Variants in KLHL24 observed in about 807,000 individuals in gnomAD.
The protein encoded by KLHL24 is kelch-like protein 24.
KLHL24 carries 29 observed loss-of-function variants against 53.4 expected under a neutral mutation model. The ratio of observed to expected loss-of-function variants is 0.54; its 90% CI spans 0.40 to 0.74. KLHL24 has a LOEUF of 0.74. Ranked by LOEUF, KLHL24 falls within the 30% of genes least tolerant of loss-of-function variation. The pLI, the probability that KLHL24 is intolerant of heterozygous loss-of-function variation, is 0.00. For synonymous variants in KLHL24, 222 were observed against 253.7 expected (o/e 0.88, Z 1.19); for missense variants, 504 against 744.0 (o/e 0.68, Z 3.75).
At chr3:183,647,058 G>C (rs1226442017) in intron 2 of KLHL24, among the ~76,000 whole-genome samples, 1 of 144,930 alleles carries the variant, frequency 6.9e-6, no homozygotes, top group Non-Finnish European at 1.5e-5. Flanking sequence ...TGATCCACCC[G>C]CCTCGGTCTT....
At chr3:183,656,120 C>T (rs1251836614) in intron 3 of KLHL24, among the ~76,000 whole-genome samples, 1 of 134,318 alleles carries the variant, frequency 7.4e-6, no homozygotes, top group Admixed American at 8.3e-5. Flanking sequence ...CATCATGGCT[C>T]ACTGAGCCTA....
At chr3:183,639,117 C>G (rs551326901) in intron 1 of KLHL24, among the ~76,000 whole-genome samples, 1 of 152,168 alleles carries the variant, frequency 6.6e-6, no homozygotes, top group African/African-American at 2.4e-5. Flanking sequence ...AGGAGAATCA[C>G]TTGAACCGGG....
intron 3 of KLHL24, among the ~76,000 whole-genome samples, chr3:183,661,064 CAAAAAAAAA>C (rs755600519): frequency 3.6e-5 from 1 of 27,886 alleles, no homozygotes. Context: ...GACTCCGTCT[CAAAAAAAAA>C]AAAAAAAAAA....
In KLHL24 at chr3:183,650,732, AC is replaced by A; in HGVS notation, c.377del (p.Thr126MetfsTer4). ...AMECFLQYVY[T>X]GKVKITTENV... is the part of the protein sequence containing the mutation. ...GGAATGTTTTTTGCAGTATGTTTATACTGGAAAGGTGAAGATCACTACAGAG... is the reference window on the plus strand; with the variant it reads ...GGAATGTTTTTTGCAGTATGTTTATATGGAAAGGTGAAGATCACTACAGAG... On this transcript the variant is annotated frameshift_variant, in exon 3 of 8. Coordinates refer to ENST00000242810, the MANE Select transcript of KLHL24 (RefSeq NM_017644.3). LOFTEE classifies it high-confidence loss of function. The surrounding 1 kb of genome is among the most constrained non-coding windows in gnomAD (Gnocchi z 4.5). 6.2e-7 allele frequency: 1 copy of A among 1,614,060 alleles called. No individual in the cohort carries two copies. The highest frequency in any genetic ancestry group is 8.5e-7 in the Non-Finnish European group (1 of 1,179,992).
rs1712447142 is a variant in KLHL24 at position 183,679,352 on chromosome 3, G to A, written c.*66G>A. 1.7e-6 allele frequency: 2 copies of A among 1,200,470 alleles called. No homozygotes were observed. Among genetic ancestry groups the A allele is most frequent in the Admixed American group, 3.8e-5 (2 of 52,314 alleles). 74.4% of individuals were successfully genotyped at this position (1,200,470 alleles called of 1,614,324 possible). A position where few individuals can be genotyped will look rare whatever the true frequency, so the allele number is the denominator to read the frequency against. On this transcript the variant is annotated 3_prime_UTR_variant, in exon 8 of 8. Coordinates refer to ENST00000242810, the MANE Select transcript of KLHL24 (RefSeq NM_017644.3). The stretch of plus-strand genomic sequence containing the variant: ...TGGGAGGTTTTAAAAACTCTACAGT[G>A]GGAACTTCACATATCTCCTTTGTGC...
intron 5 of KLHL24, among the ~76,000 whole-genome samples, chr3:183,667,200 A>G (rs2108858349): frequency 6.6e-6 from 1 of 152,310 alleles, no homozygotes; most frequent in Non-Finnish European, 1.5e-5. Flanking sequence ...TAGGTGGATC[A>G]CGAGGTCAAG....
intron 1 of KLHL24, among the ~76,000 whole-genome samples, chr3:183,641,064 G>A (rs1469520783): frequency 6.6e-6 from 1 of 152,096 alleles, no homozygotes; most frequent in Non-Finnish European, 1.5e-5. Flanking sequence ...TTTTGATAGT[G>A]CAAGTTTATG....
chr3:183,675,856 T>A (rs1343444892), intron 7 of KLHL24, among the ~76,000 whole-genome samples: 1 of 152,156 alleles, frequency 6.6e-6, no homozygotes, highest in East Asian at 1.9e-4. Context: ...GATAACAGTT[T>A]AGGAAGATAA....
chr3:183,663,371 GT>G lies in KLHL24; in HGVS notation c.921-82del. ...AACTGTTTATAATAGTGCGTGGTTT[GT>G]TTTTAGAGTTTTAAGAAAAAATCTG... On this transcript the variant is annotated intron_variant, in intron 3 of 7. Transcript: ENST00000242810. This position sits in a 1 kb window ranked among gnomAD's most constrained non-coding sequence, Gnocchi z 4.9. The G allele has an allele frequency of 1.5e-6, 1 of 674,144 alleles. No homozygotes were observed. The highest frequency in any genetic ancestry group is 3.7e-5 in the Admixed American group (1 of 27,178). The allele number at this position is 674,144 out of a possible 1,614,324, so 41.8% of individuals were successfully genotyped here. A position where few individuals can be genotyped will look rare whatever the true frequency, so the allele number is the denominator to read the frequency against.
At chr3:183,659,415 T>G (rs1719379569) in intron 3 of KLHL24, among the ~76,000 whole-genome samples, 1 of 152,188 alleles carries the variant, frequency 6.6e-6, no homozygotes, top group Non-Finnish European at 1.5e-5. Flanking sequence ...TGCATGCCTA[T>G]AATCCCAGCT....
At chr3:183,645,347 T>C (rs1717066902) in intron 2 of KLHL24, among the ~76,000 whole-genome samples, 1 of 152,242 alleles carries the variant, frequency 6.6e-6, no homozygotes, top group African/African-American at 2.4e-5. Context: ...GTTATTGAGA[T>C]AACTTCAAAT....
chr3:183,677,398 G>A (rs1317664663), intron 7 of KLHL24, among the ~76,000 whole-genome samples: 1 of 152,026 alleles, frequency 6.6e-6, no homozygotes, highest in African/African-American at 2.4e-5. Flanking sequence ...AATTCATGGG[G>A]GTGTGGTATT....
chr3:183,655,284 G>A (rs1470402686), intron 3 of KLHL24, among the ~76,000 whole-genome samples: 1 of 152,186 alleles, frequency 6.6e-6, no homozygotes, highest in Non-Finnish European at 1.5e-5. Flanking sequence ...ACCCTTAGGT[G>A]TGTGGAAAAA....
intron 7 of KLHL24, among the ~76,000 whole-genome samples, chr3:183,676,708 A>T (rs1023388668): frequency 1.3e-5 from 2 of 152,166 alleles, no homozygotes; most frequent in African/African-American, 2.4e-5. Flanking sequence ...TTGCTTTTTA[A>T]CCTGTGTCAG....
chr3:183,655,464 G>A (rs1560164564), intron 3 of KLHL24, among the ~76,000 whole-genome samples: 2 of 151,612 alleles, frequency 1.3e-5, no homozygotes, highest in African/African-American at 2.4e-5. Flanking sequence ...TGTTCCTACA[G>A]AAAAAAAAGA....
chr3:183,678,955 C>G, intron 7 of KLHL24, 131 bp from the exon 8 acceptor site: 1 of 693,376 alleles, frequency 1.4e-6, no homozygotes, highest in Non-Finnish European at 2.5e-6. Context: ...CAGAGTTGGG[C>G]CAAAGGACCT....
intron 3 of KLHL24, among the ~76,000 whole-genome samples, chr3:183,656,037 CTTTTTTTTTT>C (rs760140064): frequency 1.1e-5 from 1 of 90,906 alleles, no homozygotes; most frequent in South Asian, 3.5e-4. Flanking sequence ...CCCTTAGCAT[CTTTTTTTTTT>C]TTTTTTTTTT....
intron 2 of KLHL24, among the ~76,000 whole-genome samples, chr3:183,645,100 T>C (rs1481085946): frequency 6.6e-6 from 1 of 152,244 alleles, no homozygotes; most frequent in African/African-American, 2.4e-5. Flanking sequence ...GTACCTGACT[T>C]GTAGCTAATT....
chr3:183,646,050 G>GTGT (rs1553834051), intron 2 of KLHL24, among the ~76,000 whole-genome samples: 20 of 143,658 alleles, frequency 1.4e-4, no homozygotes, highest in East Asian at 1.0e-3. Flanking sequence ...TGGGTTTTTT[G>GTGT]TTTTGTTTTT....
Sources: allele counts gnomAD v4.1 joint callset (sites outside exome capture counted in the v4.1 genomes callset), GRCh38; gene constraint gnomAD v4.1.1; non-coding constraint Gnocchi (gnomAD v3.1); transcripts MANE v1.5; gene names NCBI Gene and HGNC (gene_info 2026-07-23, HGNC 2026-07-21).